Variants in CNEP1R1 observed in about 807,000 individuals in gnomAD.
CNEP1R1 encodes CTD nuclear envelope phosphatase 1 regulatory subunit 1, also known as nuclear envelope phosphatase-regulatory subunit 1.
A neutral mutation model predicts 22.7 loss-of-function variants in CNEP1R1; 10 were observed. The ratio of observed to expected loss-of-function variants is 0.44; its 90% CI spans 0.27 to 0.75. The LOEUF (loss-of-function observed/expected upper bound fraction) is 0.75. Ranked by LOEUF, CNEP1R1 falls within the 30% of genes least tolerant of loss-of-function variation. The pLI is 0.17. For synonymous variants in CNEP1R1, 53 were observed against 50.1 expected (o/e 1.06, Z -0.25); for missense variants, 73 against 151.5 (o/e 0.48, Z 2.72).
chr16:50,032,882 G>A (rs1366620664), intron 3 of CNEP1R1, among the ~76,000 whole-genome samples: 2 of 152,184 alleles, frequency 1.3e-5, no homozygotes, highest in East Asian at 3.9e-4. Context: ...GTGGGCGCCT[G>A]TAATCCCAGC....
intron 2 of CNEP1R1, among the ~76,000 whole-genome samples, chr16:50,027,252 G>T (rs764362377): frequency 6.6e-6 from 1 of 152,026 alleles, no homozygotes; most frequent in Admixed American, 6.6e-5. Flanking sequence ...GCTCACGTCT[G>T]TAATCCCAAC....
chr16:50,025,609 G>C, intron 1 of CNEP1R1: 1 of 1,560,978 alleles, frequency 6.4e-7, no homozygotes, highest in Non-Finnish European at 8.8e-7. Flanking sequence ...CTTGCACTTC[G>C]TGCATTGCAG....
At chr16:50,032,834 G>A (rs145882725) in intron 3 of CNEP1R1, among the ~76,000 whole-genome samples, 1 of 152,150 alleles carries the variant, frequency 6.6e-6, no homozygotes, top group East Asian at 1.9e-4. Context: ...GTGAAACCCC[G>A]TCTCTACTAA....
intron 3 of CNEP1R1, among the ~76,000 whole-genome samples, chr16:50,032,157 C>T (rs2036236251): frequency 6.6e-6 from 1 of 152,204 alleles, no homozygotes; most frequent in Admixed American, 6.5e-5. Flanking sequence ...GCCTGCGCGT[C>T]TCCTGCTGTG....
Position 50,035,661 on chromosome 16 carries a change from C to T in CNEP1R1, c.*203C>T, listed in dbSNP as rs2036269942. On this transcript the variant is annotated 3_prime_UTR_variant, in exon 6 of 6. Coordinates refer to ENST00000427478, the MANE Select transcript of CNEP1R1 (RefSeq NM_001281789.2). ...TTGGTACTTTTGATTACCTGTGTTT[C>T]AGTATTAGTGTCACTTTAGTACTTC... 1 of 533,614 alleles carries T rather than the reference C, an allele frequency of 1.9e-6. No individual in the cohort carries two copies. The highest frequency in any genetic ancestry group is 3.3e-6 in the Non-Finnish European group (1 of 301,786). The allele number at this position is 533,614 out of a possible 1,614,324, so 33.1% of individuals were successfully genotyped here. A position where few individuals can be genotyped will look rare whatever the true frequency, so the allele number is the denominator to read the frequency against.
At chr16:50,025,512 G>A in intron 1 of CNEP1R1, 172 bp downstream of exon 1, 1 of 1,065,382 alleles carries the variant, frequency 9.4e-7, no homozygotes, top group Non-Finnish European at 1.4e-6. Flanking sequence ...CGCGGGGGGC[G>A]GTGCCTCAGC....
Position 50,025,324 on chromosome 16 carries a change from G to T in CNEP1R1, c.9G>T (p.Ser3=), listed in dbSNP as rs1362510525. 1.4e-6 allele frequency: 2 copies of T among 1,436,890 alleles called. No homozygotes were observed. Among genetic ancestry groups the T allele is most frequent in the East Asian group, 2.7e-5 (1 of 37,112 alleles). 89.0% of individuals were successfully genotyped at this position (1,436,890 alleles called of 1,614,324 possible). A position where few individuals can be genotyped will look rare whatever the true frequency, so the allele number is the denominator to read the frequency against. The change falls in exon 1 of 6, where the codon TCG becomes TCT. Residue 3 remains serine, a synonymous_variant. Transcript: ENST00000427478. MN[S]LEQAEDLKAF... ...CCGAGCTGCCGCCCGACATGAACTC[G>T]CTGGAGCAGGCGGAAGGTAGGGTGG...
chr16:50,030,879 A>G (rs2036225808), intron 3 of CNEP1R1, among the ~76,000 whole-genome samples: 1 of 152,226 alleles, frequency 6.6e-6, no homozygotes, highest in African/African-American at 2.4e-5. Context: ...CCCACTGGGC[A>G]CTGTGCAAGA....
chr16:50,033,453 T>C lies in CNEP1R1; in HGVS notation c.228T>C (p.Thr76=). ...CATTTTTCACCATTAGCTGTATCACTCTAATAGGCTTGTTCTTTGCTGGAA... is the reference window on the plus strand; with the variant it reads ...CATTTTTCACCATTAGCTGTATCACCCTAATAGGCTTGTTCTTTGCTGGAA... ...NHPFFTISCI[T]LIGLFFAGIH... is the part of the protein sequence containing the mutation. Residue 76 remains threonine (T), a synonymous_variant, in exon 4 of 6, where the codon ACT becomes ACC. Transcript: ENST00000427478. 6.2e-7 allele frequency: 1 copy of C among 1,603,822 alleles called. No homozygotes were observed. Among genetic ancestry groups the C allele is most frequent in the Non-Finnish European group, 8.5e-7 (1 of 1,171,266 alleles).
At chr16:50,032,810 G>GC (rs745852809) in intron 3 of CNEP1R1, among the ~76,000 whole-genome samples, 1 of 152,158 alleles carries the variant, frequency 6.6e-6, no homozygotes, top group Non-Finnish European at 1.5e-5. Flanking sequence ...TTCAAGACCA[G>GC]CCTGGCCAAC....
At chr16:50,026,058 G>T in intron 1 of CNEP1R1, 1 of 422,744 alleles carries the variant, frequency 2.4e-6, no homozygotes, top group Non-Finnish European at 4.2e-6. Flanking sequence ...AACTCGACCT[G>T]ATTTTAATTT....
At position 50,025,260 on chromosome 16, in the gene CNEP1R1, C is replaced by A. The variant is rs371030966; in HGVS notation, c.-56C>A. On this transcript the variant is annotated 5_prime_UTR_variant, in exon 1 of 6. Transcript: ENST00000427478. ...GTTGGCGCTGCGGGCCGGGCGGGGG[C>A]CGCGGAAGCTGCGATGCGGACAGGG... The A allele has an allele frequency of 6.5e-6, 9 of 1,381,438 alleles. No homozygotes were observed. Among genetic ancestry groups the A allele is most frequent in the Admixed American group, 3.6e-5 (1 of 27,792 alleles). 85.6% of individuals were successfully genotyped at this position (1,381,438 alleles called of 1,614,324 possible).
At chr16:50,028,593 A>G (rs1007864586) in intron 2 of CNEP1R1, among the ~76,000 whole-genome samples, 1 of 152,206 alleles carries the variant, frequency 6.6e-6, no homozygotes, top group Non-Finnish European at 1.5e-5. Flanking sequence ...TAAAATGTAT[A>G]TGATACTGCC....
chr16:50,025,562 C>G, intron 1 of CNEP1R1: 1 of 1,346,924 alleles, frequency 7.4e-7, no homozygotes, highest in South Asian at 1.2e-5. Flanking sequence ...GACCTCCTCG[C>G]CAGCTTCTAT....
At chr16:50,029,625 G>A (rs933023692) in intron 2 of CNEP1R1, 100 bp from the exon 3 acceptor site, 56 of 660,386 alleles carry the variant, frequency 8.5e-5, no homozygotes, top group Non-Finnish European at 1.4e-4. Context: ...ATTTAATAAA[G>A]TGCTATATTC....
chr16:50,026,416 A>C lies in CNEP1R1; in HGVS notation c.46A>C (p.Arg16=). ...CCTAGATCTCAAGGCTTTTGAGAGG[A>C]GACTTACTGAATATATTCATTGTTT... The part of the protein sequence containing the change: ...QAEDLKAFER[R]LTEYIHCLQP... The change falls in exon 2 of 6, where the codon AGA becomes CGA. Residue 16 remains arginine (R), a synonymous_variant. Transcript: ENST00000427478. The C allele has an allele frequency of 6.2e-7, 1 of 1,610,112 alleles. No homozygotes were observed. Among genetic ancestry groups the C allele is most frequent in the South Asian group, 1.1e-5 (1 of 90,122 alleles).
At chr16:50,029,134 A>G (rs1369533457) in intron 2 of CNEP1R1, among the ~76,000 whole-genome samples, 1 of 152,188 alleles carries the variant, frequency 6.6e-6, no homozygotes, top group Non-Finnish European at 1.5e-5. Context: ...TTCTAAAATC[A>G]TTCTAGCTTA....
intron 1 of CNEP1R1, chr16:50,025,807 A>G: frequency 1.1e-6 from 1 of 943,658 alleles, no homozygotes. Flanking sequence ...TTCTAGAACT[A>G]GGCGCTGCCT....
chr16:50,031,327 T>C (rs2036229624), intron 3 of CNEP1R1, among the ~76,000 whole-genome samples: 1 of 152,158 alleles, frequency 6.6e-6, no homozygotes, highest in Non-Finnish European at 1.5e-5. Flanking sequence ...TTTAAAAGGA[T>C]AGGAAGCAAG....
Sources: allele counts gnomAD v4.1 joint callset (sites outside exome capture counted in the v4.1 genomes callset), GRCh38; gene constraint gnomAD v4.1.1; transcripts MANE v1.5; gene names NCBI Gene and HGNC (gene_info 2026-07-23, HGNC 2026-07-21).